The following AKAP9 variants were observed in gnomAD, a reference collection of about 807,000 sequenced individuals.
AKAP9 encodes the protein A-kinase anchoring protein 9, also known as A-kinase anchor protein 9.
Under a neutral mutation model 488.5 loss-of-function variants are expected in AKAP9, and 311 were observed. The ratio of observed to expected loss-of-function variants is 0.64; its 90% CI spans 0.58 to 0.70. The LOEUF is 0.70. Ranked by LOEUF, AKAP9 falls within the 30% of genes least tolerant of loss-of-function variation. The probability of loss-of-function intolerance (pLI) is 0.00; values close to 1 mark genes in which losing one functional copy is unlikely to be tolerated. For missense variants in AKAP9, 4,215 were observed against 4,374.5 expected, an observed-to-expected ratio of 0.96 and a Z score of 1.03; for synonymous variants, 1,462 against 1,483.5, an observed-to-expected ratio of 0.99 and a Z score of 0.33.
intron 49 of AKAP9, 42 bp from the exon 50 acceptor site, chr7:92,110,080 T>A: frequency 6.8e-7 from 1 of 1,475,594 alleles, no homozygotes; most frequent in Non-Finnish European, 9.4e-7. Flanking sequence ...CAGGTAGCAA[T>A]GTAATTTGAA....
chr7:91,972,792 A>T (rs1408628662), intron 1 of AKAP9, among the ~76,000 whole-genome samples: 1 of 152,196 alleles, frequency 6.6e-6, no homozygotes, highest in Non-Finnish European at 1.5e-5. Flanking sequence ...TGGTTAAAAC[A>T]TGTTAAGTAA....
intron 1 of AKAP9, among the ~76,000 whole-genome samples, chr7:91,966,820 G>GT (rs1794490598): frequency 6.6e-6 from 1 of 152,054 alleles, no homozygotes; most frequent in African/African-American, 2.4e-5. Context: ...ATCTTTTGTG[G>GT]TTCTATCAAA....
Position 92,084,657 on chromosome 7 carries a change from G to A in AKAP9, c.8664G>A (p.Glu2888=). 6.2e-7 allele frequency: 1 copy of A among 1,609,918 alleles called. No homozygotes were observed. Among genetic ancestry groups the A allele is most frequent in the Admixed American group, 1.7e-5 (1 of 59,986 alleles). The stretch of plus-strand genomic sequence containing the variant: ...CTAATTAGGGATCCTCAATTCCTGA[G>A]CTAGCACATTCTGATGCTTACCAGA... The part of the protein sequence containing the change: ...LRSKEGSSIP[E]LAHSDAYQTR... Residue 2888 remains glutamate, a synonymous_variant, in exon 34 of 50, where the codon GAG becomes GAA. Coordinates refer to ENST00000356239, the MANE Select transcript of AKAP9 (RefSeq NM_005751.5).
At chr7:92,059,834 T>C (rs528273065) in intron 22 of AKAP9, among the ~76,000 whole-genome samples, 2 of 151,998 alleles carry the variant, frequency 1.3e-5, no homozygotes, top group East Asian at 3.9e-4. Context: ...TTAATGATAT[T>C]AGTTATCCAG....
intron 3 of AKAP9, among the ~76,000 whole-genome samples, chr7:91,991,506 C>G (rs894075496): frequency 5.4e-5 from 8 of 148,338 alleles, no homozygotes; most frequent in African/African-American, 1.5e-4. Context: ...GAGTCTTGCT[C>G]TGTCGCCCAG....
At position 92,063,653 on chromosome 7, in the gene AKAP9, A is replaced by C. The variant is rs956134261; in HGVS notation, c.5977+1167A>C. Among the ~76,000 whole-genome samples, 12 of 152,196 alleles carry C rather than the reference A, an allele frequency of 7.9e-5. 1 individual carries two copies. The highest frequency in any genetic ancestry group is 1.8e-4 in the Non-Finnish European group (12 of 68,032). ...GTTTTTCTCTTTAACAACAACAAAT[A>C]AACTTTTCTTACAATAAAAGTACAA... On this transcript the variant is annotated intron_variant, in intron 24 of 49. Transcript: ENST00000356239.
At chr7:92,044,808 A>G (rs1234378347) in intron 20 of AKAP9, among the ~76,000 whole-genome samples, 200 bp from the exon 21 acceptor site, 1 of 152,214 alleles carries the variant, frequency 6.6e-6, no homozygotes. Flanking sequence ...TTTTCAGACA[A>G]AAACAAATCA....
chr7:91,974,615 A>C (rs940204816), intron 2 of AKAP9, among the ~76,000 whole-genome samples: 4 of 152,078 alleles, frequency 2.6e-5, no homozygotes, highest in African/African-American at 9.7e-5. Context: ...TTTTAGGGTC[A>C]GGTTTTTCTG....
intron 26 of AKAP9, among the ~76,000 whole-genome samples, chr7:92,068,685 T>C (rs962080309): frequency 1.3e-5 from 2 of 152,016 alleles, no homozygotes; most frequent in African/African-American, 2.4e-5. Context: ...AGTCAACTTA[T>C]TATTATTAAA....
In AKAP9 at chr7:92,002,714, G is replaced by A. The variant is rs1410880956; in HGVS notation, c.2797G>A (p.Val933Ile). The change falls in exon 8 of 50, where the codon GTT becomes ATT. Residue 933 changes from valine to isoleucine, a missense_variant. This residue lies in a region of AKAP9 where 2,361 missense variants were observed against 2,430.0 expected (regional missense o/e 0.97). Coordinates refer to ENST00000356239, the MANE Select transcript of AKAP9 (RefSeq NM_005751.5). ...AGCAGAAACATTGGAAATGGGTGAG[G>A]TTGTTGAAAAGGATACAACAGAACT... is the stretch of plus-strand genomic sequence containing the variant. Reference protein sequence around the residue: ...FVAETLEMGEVVEKDTTELME... With the variant: ...FVAETLEMGEIVEKDTTELME... The A allele has an allele frequency of 1.2e-6, 2 of 1,613,590 alleles. No individual in the cohort carries two copies. Among genetic ancestry groups the A allele is most frequent in the Non-Finnish European group, 1.7e-6 (2 of 1,179,704 alleles).
chr7:92,045,691 A>G (rs1806850911), intron 21 of AKAP9, among the ~76,000 whole-genome samples: 1 of 152,140 alleles, frequency 6.6e-6, no homozygotes, highest in South Asian at 2.1e-4. Context: ...CCTTTGCTAG[A>G]TTCTTTCTTC....
intron 14 of AKAP9, among the ~76,000 whole-genome samples, chr7:92,029,400 ATATG>A (rs1803855500): frequency 6.6e-6 from 1 of 152,212 alleles, no homozygotes; most frequent in South Asian, 2.1e-4. Context: ...CCAAATATAC[ATATG>A]TATGTTAAAA....
intron 8 of AKAP9, among the ~76,000 whole-genome samples, chr7:92,003,706 GGGAGA>G (rs966889012): frequency 3.6e-4 from 55 of 151,334 alleles, no homozygotes; most frequent in African/African-American, 1.3e-3. Context: ...ATATTTTCCT[GGGAGA>G]AAAAAAAACC....
At chr7:92,032,761 CA>C (rs1180061996) in intron 16 of AKAP9, among the ~76,000 whole-genome samples, 1 of 151,854 alleles carries the variant, frequency 6.6e-6, no homozygotes, top group Non-Finnish European at 1.5e-5. Context: ...GAAACACTAT[CA>C]TTTTTTTTTT....
chr7:92,028,358 G>A lies in AKAP9; in HGVS notation c.4149-1537G>A, dbSNP rs12533497. On this transcript the variant is annotated intron_variant, in intron 14 of 49. Transcript: ENST00000356239. ...CATTGTGGACTAAGTAGTACTTTTT[G>A]GAGTTTAGATCATAATGACCGGATA... Among the ~76,000 whole-genome samples, 1,297 of 149,484 alleles carry A rather than the reference G, an allele frequency of 8.7e-3. 46 individuals carry two copies. The highest frequency in any genetic ancestry group is 0.074 in the East Asian group (376 of 5,088).
intron 19 of AKAP9, 88 bp from the exon 20 acceptor site, chr7:92,042,580 T>C: frequency 1.1e-6 from 1 of 919,326 alleles, no homozygotes; most frequent in Non-Finnish European, 1.8e-6. Context: ...TTTTATCTCA[T>C]ACCAATATAG....
chr7:92,077,373 G>A (rs1718853422), intron 29 of AKAP9, among the ~76,000 whole-genome samples: 1 of 152,046 alleles, frequency 6.6e-6, no homozygotes, highest in African/African-American at 2.4e-5. Flanking sequence ...TTACAGGCGT[G>A]AGCCACCACA....
In AKAP9 at chr7:92,096,994, G is replaced by A. The variant is rs1309293845; in HGVS notation, c.10035G>A (p.Leu3345=). ...CACCCTTGCCCTCAGAGGACCTACT[G>A]AAAGAGCTGCAGAAACAGCTAGAGG... ...SRPPLPSEDL[L]KELQKQLEEK... Residue 3345 remains leucine, a synonymous_variant, in exon 41 of 50, where the codon CTG becomes CTA. Coordinates refer to ENST00000356239, the MANE Select transcript of AKAP9 (RefSeq NM_005751.5). 8.7e-6 allele frequency: 14 copies of A among 1,614,074 alleles called. No individual in the cohort carries two copies. The highest frequency in any genetic ancestry group is 2.2e-5 in the East Asian group (1 of 44,896).
chr7:92,083,427 T>C lies in AKAP9; in HGVS notation c.8418T>C (p.Ile2806=). Residue 2806 remains isoleucine (I), a synonymous_variant, in exon 33 of 50, where the codon ATT becomes ATC. Transcript: ENST00000356239. ...TTGTTAAAAATGCAGGAATACAAAT[T>C]AATTTACAGAGTGAATGTTCCTCAG... is the stretch of plus-strand genomic sequence containing the variant. ...QILVKNAGIQ[I]NLQSECSSEE... is the part of the protein sequence containing the mutation. 1 of 1,614,034 alleles carries C rather than the reference T, an allele frequency of 6.2e-7. No homozygotes were observed.
Sources: gnomAD v4.1 joint callset for allele counts (sites outside exome capture counted in the v4.1 genomes callset) on GRCh38, gnomAD v4.1.1 for gene constraint, gnomAD v4.1.1 regional missense constraint, MANE v1.5 for transcripts, NCBI Gene and HGNC (gene_info 2026-07-23, HGNC 2026-07-21) for gene names.